The following NTM variants were observed in gnomAD, a reference collection of about 807,000 sequenced individuals.
NTM encodes the protein neurotrimin, also known as IgLON family member 2.
NTM carries 13 observed loss-of-function variants against 42.1 expected under a neutral mutation model. The ratio of observed to expected loss-of-function variants is 0.31; its 90% CI spans 0.20 to 0.49. The LOEUF is 0.49. NTM is among the 20% of genes least tolerant of loss of function. The probability of loss-of-function intolerance (pLI) is 0.99; values close to 1 mark genes in which losing one functional copy is unlikely to be tolerated. For missense variants in NTM, 373 were observed against 452.8 expected (o/e 0.82, Z 1.60); for synonymous variants, 187 against 179.2 (o/e 1.04, Z -0.35).
At chr11:131,384,722 G>T (rs1308410938) in intron 1 of NTM, among the ~76,000 whole-genome samples, 1 of 152,140 alleles carries the variant, frequency 6.6e-6, no homozygotes, top group Non-Finnish European at 1.5e-5. Flanking sequence ...GTCTTGAAAA[G>T]AAGAAGAAAG....
At chr11:132,007,923 A>G (rs2071180550) in intron 2 of NTM, among the ~76,000 whole-genome samples, 2 of 152,150 alleles carry the variant, frequency 1.3e-5, no homozygotes, top group Admixed American at 1.3e-4. Context: ...GGTGAGAATA[A>G]CCCTGGATGG....
At chr11:131,845,248 G>A (rs1209584215) in intron 1 of NTM, among the ~76,000 whole-genome samples, 5 of 152,048 alleles carry the variant, frequency 3.3e-5, no homozygotes, top group Non-Finnish European at 5.9e-5. Context: ...CACATTTAAG[G>A]AATTCAGTGA....
chr11:132,188,100 G>A (rs2078716231), intron 3 of NTM, among the ~76,000 whole-genome samples: 1 of 152,130 alleles, frequency 6.6e-6, no homozygotes, highest in Admixed American at 6.5e-5. Context: ...CTCTGTGCGT[G>A]CGTGTGTGTG....
At chr11:131,600,939 A>G (rs1404822488) in intron 1 of NTM, among the ~76,000 whole-genome samples, 1 of 152,118 alleles carries the variant, frequency 6.6e-6, no homozygotes, top group East Asian at 1.9e-4. Context: ...AGGATCAGGG[A>G]TCATCTGATT....
intron 1 of NTM, among the ~76,000 whole-genome samples, chr11:131,465,867 C>G (rs373833968): frequency 1.3e-5 from 2 of 152,212 alleles, no homozygotes; most frequent in African/African-American, 2.4e-5. Context: ...GCCCTGGAGC[C>G]GTGAGACCCC....
At chr11:131,710,918 C>T (rs1192536532) in intron 1 of NTM, among the ~76,000 whole-genome samples, 1 of 152,024 alleles carries the variant, frequency 6.6e-6, no homozygotes, top group African/African-American at 2.4e-5. Flanking sequence ...ATGCCTTTTC[C>T]CTGCCCCTGT....
chr11:132,118,583 G>A (rs1036797790), intron 2 of NTM, among the ~76,000 whole-genome samples: 1 of 152,178 alleles, frequency 6.6e-6, no homozygotes, highest in African/African-American at 2.4e-5. Context: ...TTTGGAGAAA[G>A]CTTATCTGCT....
At chr11:131,488,349 G>A (rs1954411706) in intron 1 of NTM, among the ~76,000 whole-genome samples, 1 of 152,172 alleles carries the variant, frequency 6.6e-6, no homozygotes, top group South Asian at 2.1e-4. Context: ...TCACACTCTA[G>A]GCTTTTCAGT....
intron 1 of NTM, among the ~76,000 whole-genome samples, chr11:131,820,816 ATGT>A (rs2093155158): frequency 6.6e-6 from 1 of 152,218 alleles, no homozygotes; most frequent in South Asian, 2.1e-4. Context: ...ATCAATCACA[ATGT>A]TGTACTTAGC....
intron 1 of NTM, among the ~76,000 whole-genome samples, chr11:131,401,860 A>ATT (rs1555101855): frequency 4.6e-5 from 5 of 107,732 alleles, no homozygotes; most frequent in Non-Finnish European, 7.6e-5. Flanking sequence ...ATATATATAT[A>ATT]TTTTAATTTA....
At chr11:132,303,056 T>C (rs1374694126) in intron 4 of NTM, among the ~76,000 whole-genome samples, 1 of 152,234 alleles carries the variant, frequency 6.6e-6, no homozygotes. Flanking sequence ...TATGGAATTA[T>C]ATAACCATTC....
In NTM at chr11:131,830,978, A is replaced by C. The variant is rs557582851; in HGVS notation, c.83-80586A>C. On this transcript the variant is annotated intron_variant, in intron 1 of 8. Coordinates refer to ENST00000683400, the MANE Select transcript of NTM (RefSeq NM_001352005.2). ...TTCTTGACTTGGCTCTCAGCTTGAAAGCTATTGGTGTATAGAAATGCTACT... is the reference window on the plus strand; with the variant it reads ...TTCTTGACTTGGCTCTCAGCTTGAACGCTATTGGTGTATAGAAATGCTACT... 2.0e-4 allele frequency among the ~76,000 whole-genome samples: 30 copies of C among 152,250 alleles called. No individual in the cohort carries two copies. The South Asian group carries it at 4.1e-3, about 21-fold the overall frequency.
intron 1 of NTM, among the ~76,000 whole-genome samples, chr11:131,881,863 A>T (rs550717657): frequency 6.6e-6 from 1 of 152,224 alleles, no homozygotes; most frequent in East Asian, 1.9e-4. Context: ...GCAAATTGCT[A>T]TTCCAAGTAC....
At chr11:131,465,085 A>G (rs981839155) in intron 1 of NTM, among the ~76,000 whole-genome samples, 2 of 152,212 alleles carry the variant, frequency 1.3e-5, no homozygotes, top group Non-Finnish European at 2.9e-5. Context: ...CCAAGAATGG[A>G]TGACCCCAGA....
intron 1 of NTM, among the ~76,000 whole-genome samples, chr11:131,798,140 T>A (rs189322362): frequency 6.6e-6 from 1 of 152,010 alleles, no homozygotes. Flanking sequence ...AGGGTAGTAA[T>A]AATGGGTGTC....
chr11:131,449,598 G>C (rs1950330176), intron 1 of NTM, among the ~76,000 whole-genome samples: 2 of 152,210 alleles, frequency 1.3e-5, no homozygotes, highest in African/African-American at 4.8e-5. Flanking sequence ...GGCCAGATCT[G>C]TGCTGCGTTC....
intron 3 of NTM, among the ~76,000 whole-genome samples, chr11:132,169,055 C>T (rs564614794): frequency 6.6e-6 from 1 of 152,100 alleles, no homozygotes; most frequent in East Asian, 1.9e-4. Flanking sequence ...CCACCCCCTC[C>T]TTCTTTTGGT....
At chr11:132,055,689 G>C (rs1308705091) in intron 2 of NTM, among the ~76,000 whole-genome samples, 1 of 151,466 alleles carries the variant, frequency 6.6e-6, no homozygotes, top group African/African-American at 2.4e-5. Flanking sequence ...GAGACAGAGA[G>C]AGAGAGAGAG....
chr11:132,333,359 G>T (rs901387463), intron 8 of NTM, among the ~76,000 whole-genome samples: 2 of 152,114 alleles, frequency 1.3e-5, no homozygotes, highest in African/African-American at 4.8e-5. Context: ...TCTCACCCTT[G>T]AAGGCATCCG....
Sources: gnomAD v4.1 joint callset for allele counts (sites outside exome capture counted in the v4.1 genomes callset) on GRCh38, gnomAD v4.1.1 for gene constraint, MANE v1.5 for transcripts, NCBI Gene and HGNC (gene_info 2026-07-23, HGNC 2026-07-21) for gene names.